Variants in SAMD12 observed in about 807,000 individuals in gnomAD.
The protein encoded by SAMD12 is sterile alpha motif domain-containing protein 12.
A neutral mutation model predicts 15.0 loss-of-function variants in SAMD12; 9 were observed. The observed-to-expected ratio is 0.60, with a 90% CI of 0.36 to 1.05. The LOEUF (loss-of-function observed/expected upper bound fraction) is 1.05. Ranked by LOEUF, SAMD12 falls within the 50% of genes least tolerant of loss-of-function variation. SAMD12 has a pLI of 0.01. For synonymous variants in SAMD12, 86 were observed against 90.1 expected, an observed-to-expected ratio of 0.96 and a Z score of 0.25; for missense variants, 230 against 234.2, an observed-to-expected ratio of 0.98 and a Z score of 0.12.
At chr8:118,609,261 C>T (rs1163142498) in intron 1 of SAMD12, among the ~76,000 whole-genome samples, 1 of 152,184 alleles carries the variant, frequency 6.6e-6, no homozygotes, top group Admixed American at 6.5e-5. Flanking sequence ...CCATGCAGTT[C>T]AAACACAAAG....
chr8:118,279,375 T>G (rs2130147355), intron 4 of SAMD12, among the ~76,000 whole-genome samples: 1 of 152,318 alleles, frequency 6.6e-6, no homozygotes, highest in South Asian at 2.1e-4. Flanking sequence ...CCCTAACACC[T>G]TCCCATGCTT....
chr8:118,245,156 T>C (rs965900560), intron 4 of SAMD12, among the ~76,000 whole-genome samples: 2 of 152,150 alleles, frequency 1.3e-5, no homozygotes, highest in Non-Finnish European at 2.9e-5. Flanking sequence ...ATTTATTTTC[T>C]GCTTCACCAG....
chr8:118,314,741 T>C (rs1815799455), intron 4 of SAMD12, among the ~76,000 whole-genome samples: 1 of 152,194 alleles, frequency 6.6e-6, no homozygotes, highest in Admixed American at 6.5e-5. Flanking sequence ...TCCTTTCTGT[T>C]GCAAAATGAT....
intron 2 of SAMD12, among the ~76,000 whole-genome samples, chr8:118,510,737 T>A (rs972813634): frequency 2.0e-5 from 3 of 152,212 alleles, no homozygotes; most frequent in Admixed American, 6.5e-5. Context: ...CCAGTACCTC[T>A]CTACCCCCTC....
At chr8:118,304,920 G>A (rs903173752) in intron 4 of SAMD12, among the ~76,000 whole-genome samples, 3 of 151,174 alleles carry the variant, frequency 2.0e-5, no homozygotes, top group Admixed American at 6.6e-5. Flanking sequence ...AGGCTGAGGC[G>A]GATGCATCAC....
chr8:118,452,557 A>G (rs1287106411), intron 2 of SAMD12, among the ~76,000 whole-genome samples: 1 of 152,216 alleles, frequency 6.6e-6, no homozygotes, highest in Non-Finnish European at 1.5e-5. Flanking sequence ...ATGTCCATGC[A>G]TGTATCTTTA....
At chr8:118,553,169 T>G (rs2131187948) in intron 2 of SAMD12, among the ~76,000 whole-genome samples, 1 of 152,032 alleles carries the variant, frequency 6.6e-6, no homozygotes, top group African/African-American at 2.4e-5. Flanking sequence ...TTCACAGAAT[T>G]GGAAAAAACT....
intron 4 of SAMD12, among the ~76,000 whole-genome samples, chr8:118,360,428 A>G (rs1450420643): frequency 6.6e-6 from 1 of 152,320 alleles, no homozygotes; most frequent in East Asian, 1.9e-4. Context: ...TTTAAAGACT[A>G]AAACTGCCTA....
intron 3 of SAMD12, among the ~76,000 whole-genome samples, chr8:118,412,804 A>C (rs1347763600): frequency 1.3e-5 from 2 of 152,132 alleles, no homozygotes; most frequent in African/African-American, 4.8e-5. Context: ...ATTTTAAGCT[A>C]CTAAGTTTTG....
At chr8:118,262,747 C>T (rs1247029092) in intron 4 of SAMD12, among the ~76,000 whole-genome samples, 1 of 151,950 alleles carries the variant, frequency 6.6e-6, no homozygotes, top group African/African-American at 2.4e-5. Context: ...CTGTGGAATA[C>T]TCAGGAGGAA....
intron 2 of SAMD12, among the ~76,000 whole-genome samples, chr8:118,440,974 G>A (rs188033257): frequency 5.9e-5 from 9 of 152,156 alleles, no homozygotes; most frequent in Admixed American, 2.0e-4. Flanking sequence ...GGTGGTACAA[G>A]GACGTGGCCA....
chr8:118,462,308 A>G (rs1823446337), intron 2 of SAMD12, among the ~76,000 whole-genome samples: 1 of 152,182 alleles, frequency 6.6e-6, no homozygotes, highest in Non-Finnish European at 1.5e-5. Context: ...TTAAGCTTGC[A>G]CACATCTCTC....
intron 4 of SAMD12, among the ~76,000 whole-genome samples, chr8:118,269,194 T>TTCTC (rs762035151): frequency 1.2e-3 from 170 of 138,516 alleles, no homozygotes; most frequent in African/African-American, 2.5e-3. Context: ...TTTGCTTTTG[T>TTCTC]TCTCTCTCTC....
intron 4 of SAMD12, among the ~76,000 whole-genome samples, chr8:118,324,720 G>A (rs142542067): frequency 3.3e-5 from 5 of 152,310 alleles, no homozygotes; most frequent in Admixed American, 2.0e-4. Flanking sequence ...CCAGTCGCAT[G>A]GGCCAAAGTA....
chr8:118,449,818 CAACA>C (rs1823025421), intron 2 of SAMD12, among the ~76,000 whole-genome samples: 2 of 97,660 alleles, frequency 2.0e-5, no homozygotes, highest in African/African-American at 9.3e-5. Flanking sequence ...AAAAAAAAAA[CAACA>C]AAAAAAAAGG....
At chr8:118,325,403 TCTC>T (rs1816518740) in intron 4 of SAMD12, among the ~76,000 whole-genome samples, 2 of 152,072 alleles carry the variant, frequency 1.3e-5, no homozygotes, top group East Asian at 3.9e-4. Flanking sequence ...TGTGAAGACT[TCTC>T]CTAATTATTT....
At chr8:118,313,594 C>T (rs531317466) in intron 4 of SAMD12, among the ~76,000 whole-genome samples, 11 of 152,072 alleles carry the variant, frequency 7.2e-5, no homozygotes, top group East Asian at 1.9e-4. Context: ...TGGGACCTTT[C>T]GGTATAGCAG....
chr8:118,494,660 T>A (rs1158900797), intron 2 of SAMD12, among the ~76,000 whole-genome samples: 1 of 151,944 alleles, frequency 6.6e-6, no homozygotes, highest in Admixed American at 6.6e-5. Flanking sequence ...TACTGATTAA[T>A]CATTAAATGT....
intron 4 of SAMD12, among the ~76,000 whole-genome samples, chr8:118,336,723 T>C (rs1266534612): frequency 6.6e-6 from 1 of 152,222 alleles, no homozygotes; most frequent in Non-Finnish European, 1.5e-5. Flanking sequence ...TTCTAATTAC[T>C]GTGGCACTAT....
Sources: gnomAD v4.1 joint callset for allele counts (sites outside exome capture counted in the v4.1 genomes callset) on GRCh38, gnomAD v4.1.1 for gene constraint, MANE v1.5 for transcripts, NCBI Gene and HGNC (gene_info 2026-07-23, HGNC 2026-07-21) for gene names.